DAAM1: variants seen among roughly 807,000 people sequenced by gnomAD.
The protein encoded by DAAM1 is disheveled-associated activator of morphogenesis 1.
DAAM1 carries 52 observed loss-of-function variants against 130.0 expected under a neutral mutation model. The ratio of observed to expected loss-of-function variants is 0.40; its 90% CI spans 0.32 to 0.50. The LOEUF (loss-of-function observed/expected upper bound fraction) is 0.50, where lower values mean the gene tolerates loss of function less well. DAAM1 is among the 20% of genes least tolerant of loss of function. The probability of loss-of-function intolerance (pLI) is 0.61; values close to 1 mark genes in which losing one functional copy is unlikely to be tolerated. For missense variants in DAAM1, 1,134 were observed against 1,303.8 expected (o/e 0.87, Z 2.01); for synonymous variants, 452 against 444.5 (o/e 1.02, Z -0.21).
rs1348314050 is a variant in DAAM1, at chr14:59,369,752, CTAAAAAAAAAAAA to C, written c.*894_*906del. ...GAATTCTCTGAAGGGATAAAGATTA[CTAAAAAAAAAAAA>C]AAAAAAAAAAAATTAATGGGGTGCC... On this transcript the variant is annotated 3_prime_UTR_variant, in exon 25 of 25. Transcript: ENST00000360909. 2 of 34,546 alleles carry C rather than the reference CTAAAAAAAAAAAA, an allele frequency of 5.8e-5. No homozygotes were observed. Among genetic ancestry groups the C allele is most frequent in the Non-Finnish European group, 1.2e-4 (2 of 16,992 alleles). The allele number at this position is 34,546 out of a possible 1,614,324, so 2.1% of individuals were successfully genotyped here. A position where few individuals can be genotyped will look rare whatever the true frequency, so the allele number is the denominator to read the frequency against.
At chr14:59,204,331 G>A (rs1207544597) in intron 1 of DAAM1, among the ~76,000 whole-genome samples, 2 of 152,174 alleles carry the variant, frequency 1.3e-5, no homozygotes, top group African/African-American at 4.8e-5. Context: ...CTAGCTGTGG[G>A]CCAGGGACTG....
intron 12 of DAAM1, 22 bp downstream of exon 12, chr14:59,327,013 A>G: frequency 6.2e-7 from 1 of 1,613,666 alleles, no homozygotes; most frequent in South Asian, 1.1e-5. Flanking sequence ...GGCCCTGATA[A>G]GAGGCTGTGT....
In DAAM1 at chr14:59,236,655, A is replaced by G. The variant is rs190574352; in HGVS notation, c.-37-26786A>G. On this transcript the variant is annotated intron_variant, in intron 1 of 24. Coordinates refer to ENST00000360909, the MANE Select transcript of DAAM1 (RefSeq NM_001270520.2). Reference sequence around the variant, plus strand: ...CTAAATATCCTGTTTTATCCATCTGAAATTAGAGTGATTATCTTTGTCTGT... The same window carrying G: ...CTAAATATCCTGTTTTATCCATCTGGAATTAGAGTGATTATCTTTGTCTGT... Among the ~76,000 whole-genome samples, 334 of 152,162 alleles carry G rather than the reference A, an allele frequency of 2.2e-3. 1 individual carries two copies. The highest frequency in any genetic ancestry group is 7.5e-3 in the African/African-American group (313 of 41,516).
chr14:59,271,828 C>T (rs1273391420), intron 2 of DAAM1, among the ~76,000 whole-genome samples: 2 of 152,100 alleles, frequency 1.3e-5, no homozygotes, highest in Non-Finnish European at 2.9e-5. Context: ...CATTTTTTAT[C>T]TCTTCATTTT....
chr14:59,225,971 GC>G (rs1888931103), intron 1 of DAAM1, among the ~76,000 whole-genome samples: 1 of 152,086 alleles, frequency 6.6e-6, no homozygotes, highest in South Asian at 2.1e-4. Context: ...AGAAACTCAA[GC>G]CCTACGACAT....
intron 1 of DAAM1, among the ~76,000 whole-genome samples, chr14:59,235,398 C>T (rs1269270085): frequency 6.6e-6 from 1 of 152,106 alleles, no homozygotes; most frequent in African/African-American, 2.4e-5. Flanking sequence ...AGGAATTTAT[C>T]CATTTCTTCT....
chr14:59,287,972 T>C (rs1373062363), intron 2 of DAAM1, among the ~76,000 whole-genome samples: 1 of 152,130 alleles, frequency 6.6e-6, no homozygotes, highest in Non-Finnish European at 1.5e-5. Flanking sequence ...AAAGCAATCC[T>C]AAGCAAAAAG....
intron 1 of DAAM1, among the ~76,000 whole-genome samples, chr14:59,253,235 A>C (rs1263516314): frequency 3.9e-5 from 6 of 152,252 alleles, no homozygotes; most frequent in Admixed American, 3.9e-4. Context: ...AAGTCATTCC[A>C]AGAAAGAAGT....
chr14:59,189,142 G>T (rs983707323), intron 1 of DAAM1, among the ~76,000 whole-genome samples: 2 of 152,200 alleles, frequency 1.3e-5, no homozygotes, highest in Non-Finnish European at 2.9e-5. Context: ...GCTCCCCGGG[G>T]CTGGGGCCGC....
chr14:59,364,342 TC>T (rs1174107899), intron 23 of DAAM1, among the ~76,000 whole-genome samples: 1 of 152,140 alleles, frequency 6.6e-6, no homozygotes, highest in African/African-American at 2.4e-5. Context: ...TTTTTTTTTT[TC>T]AGTAAGACAT....
chr14:59,330,033 A>G (rs1426450208), intron 12 of DAAM1, among the ~76,000 whole-genome samples: 1 of 152,234 alleles, frequency 6.6e-6, no homozygotes, highest in Non-Finnish European at 1.5e-5. Flanking sequence ...CCTCCCTTCC[A>G]GCCCTTCGGC....
At chr14:59,192,548 G>A (rs760848976) in intron 1 of DAAM1, among the ~76,000 whole-genome samples, 1 of 152,168 alleles carries the variant, frequency 6.6e-6, no homozygotes, top group African/African-American at 2.4e-5. Flanking sequence ...AACAAAGCAA[G>A]GTGTCCAACT....
chr14:59,203,438 T>C (rs1888173341), intron 1 of DAAM1, among the ~76,000 whole-genome samples: 1 of 152,214 alleles, frequency 6.6e-6, no homozygotes, highest in South Asian at 2.1e-4. Context: ...AAAGCTATTA[T>C]TAAAAAACAT....
intron 22 of DAAM1, chr14:59,363,153 T>A (rs1190680809): frequency 1.9e-5 from 3 of 158,340 alleles, no homozygotes; most frequent in Non-Finnish European, 4.2e-5. Flanking sequence ...AAATGGTACA[T>A]TATGGTGCCA....
chr14:59,326,622 C>T lies in DAAM1; in HGVS notation c.1287C>T (p.Asn429=). 1 of 1,613,132 alleles carries T rather than the reference C, an allele frequency of 6.2e-7. No individual in the cohort carries two copies. Among genetic ancestry groups the T allele is most frequent in the Non-Finnish European group, 8.5e-7 (1 of 1,179,768 alleles). Residue 429 remains asparagine (N), a synonymous_variant, in exon 11 of 25, where the codon AAC becomes AAT. Coordinates refer to ENST00000360909, the MANE Select transcript of DAAM1 (RefSeq NM_001270520.2). ...ACCCTGACTCCACACCTTTGGAAAA[C>T]TTTAATATTAAGAATGTCGTACGAA... ...GQDPDSTPLE[N]FNIKNVVRML...
chr14:59,294,623 G>A (rs1489515697), intron 3 of DAAM1, among the ~76,000 whole-genome samples: 2 of 151,862 alleles, frequency 1.3e-5, no homozygotes, highest in African/African-American at 2.4e-5. Flanking sequence ...TTGTGATGGG[G>A]TATTTTCAAA....
At chr14:59,198,045 T>C (rs1369889650) in intron 1 of DAAM1, among the ~76,000 whole-genome samples, 1 of 152,140 alleles carries the variant, frequency 6.6e-6, no homozygotes, top group Non-Finnish European at 1.5e-5. Context: ...GTTTCACTTA[T>C]CTTATCATTT....
At chr14:59,327,402 C>CTTTTTTGTTTTTTTTTTTTTTTTT (rs1885249637) in intron 12 of DAAM1, among the ~76,000 whole-genome samples, 1 of 58,992 alleles carries the variant, frequency 1.7e-5, no homozygotes, top group Non-Finnish European at 2.9e-5. Flanking sequence ...CACTTGGTTT[C>CTTTTTTGTTTTTTTTTTTTTTTTT]TTTTTTTTTT....
At chr14:59,308,827 T>C (rs1884466725) in intron 3 of DAAM1, among the ~76,000 whole-genome samples, 1 of 152,232 alleles carries the variant, frequency 6.6e-6, no homozygotes, top group African/African-American at 2.4e-5. Flanking sequence ...GAAAAATGAC[T>C]GACATTCTGA....
Sources: gnomAD v4.1 joint callset for allele counts (sites outside exome capture counted in the v4.1 genomes callset) on GRCh38, gnomAD v4.1.1 for gene constraint, MANE v1.5 for transcripts, NCBI Gene and HGNC (gene_info 2026-07-23, HGNC 2026-07-21) for gene names.